Variants in NCOR2 observed in about 807,000 individuals in gnomAD.
NCOR2 encodes nuclear receptor corepressor 2, also known as CTG repeat protein 26.
In NCOR2, 81 loss-of-function variants were observed where a neutral mutation model predicts 262.9. The ratio of observed to expected loss-of-function variants is 0.31; its 90% CI spans 0.26 to 0.37. The LOEUF is 0.37. Among genes scored for constraint, NCOR2 ranks in the 10% least tolerant of loss-of-function variants. The pLI is 1.00. For missense variants in NCOR2, 3,385 were observed against 3,621.4 expected, an observed-to-expected ratio of 0.93 and a Z score of 1.68; for synonymous variants, 1,659 against 1,559.3, an observed-to-expected ratio of 1.06 and a Z score of -1.51.
chr12:124,359,250 G>A lies in NCOR2; in HGVS notation c.3101-2468C>T, dbSNP rs1019430225. On this transcript the variant is annotated intron_variant, in intron 22 of 46. Transcript: ENST00000405201. Reference sequence around the variant, plus strand: ...AGCAGAGACACAACTTGGGAATGACGGAGCCCTCTGGGTTCTGGGACAGGA... The same window carrying A: ...AGCAGAGACACAACTTGGGAATGACAGAGCCCTCTGGGTTCTGGGACAGGA... Among the ~76,000 whole-genome samples the A allele has an allele frequency of 2.6e-5, 4 of 152,186 alleles. 1 individual carries two copies. In the East Asian group the frequency reaches 7.7e-4, roughly 29 times the overall value.
intron 4 of NCOR2, among the ~76,000 whole-genome samples, chr12:124,466,919 A>C (rs2046444033): frequency 6.6e-6 from 1 of 151,898 alleles, no homozygotes; most frequent in Non-Finnish European, 1.5e-5. Flanking sequence ...CAAAGCACGC[A>C]GCACCTGACA....
rs763602293 is a variant in NCOR2, at chr12:124,503,763, G to C, written c.-117-8395C>G. Among the ~76,000 whole-genome samples, 24 of 122,706 alleles carry C rather than the reference G, an allele frequency of 2.0e-4. No individual in the cohort carries two copies. The highest frequency in any genetic ancestry group is 3.3e-4 in the African/African-American group (13 of 39,086). 80.5% of individuals were successfully genotyped at this position (122,706 alleles called of 152,430 possible). ...GGATGGATGCATGGATGCATGGATG[G>C]ATGGATGGATGGATGGGCGGATGGA... is the stretch of plus-strand genomic sequence containing the variant. On this transcript the variant is annotated intron_variant, in intron 1 of 46. Coordinates refer to the NCOR2 transcript ENST00000404621. This position sits in a 1 kb window ranked among gnomAD's most constrained non-coding sequence, Gnocchi z 4.3.
chr12:124,336,253 C>G, intron 38 of NCOR2: 1 of 166,944 alleles, frequency 6.0e-6, no homozygotes, highest in South Asian at 1.5e-4. Context: ...TTCCCCCAGT[C>G]CGACAGCATC....
chr12:124,395,610 GC>G (rs1364104490), intron 16 of NCOR2, among the ~76,000 whole-genome samples: 1 of 152,160 alleles, frequency 6.6e-6, no homozygotes, highest in Non-Finnish European at 1.5e-5. Context: ...GTCATCCCCA[GC>G]CGTCCTCCCA....
intron 16 of NCOR2, among the ~76,000 whole-genome samples, chr12:124,393,290 G>T (rs1235583136): frequency 1.3e-5 from 2 of 152,324 alleles, no homozygotes; most frequent in East Asian, 1.9e-4. Flanking sequence ...CCCCGGAGCT[G>T]CCCGGTTCCT....
intron 1 of NCOR2, among the ~76,000 whole-genome samples, chr12:124,508,557 G>C (rs915654396): frequency 7.2e-5 from 11 of 152,182 alleles, no homozygotes; most frequent in Non-Finnish European, 1.2e-4. Flanking sequence ...CCGCAGGAAG[G>C]GGGTGACCGC....
chr12:124,518,865 G>A (rs894001593), intron 1 of NCOR2, among the ~76,000 whole-genome samples: 2 of 152,220 alleles, frequency 1.3e-5, no homozygotes, highest in African/African-American at 4.8e-5. Context: ...CCTGAGCGTA[G>A]CTCTGGCGCC....
At chr12:124,528,907 C>T (rs772765295) in intron 1 of NCOR2, among the ~76,000 whole-genome samples, 5 of 152,172 alleles carry the variant, frequency 3.3e-5, no homozygotes, top group Non-Finnish European at 5.9e-5. Context: ...CCTCTGGGCG[C>T]GGTGGCTCAC....
At chr12:124,516,044 G>A (rs1413644682) in intron 1 of NCOR2, among the ~76,000 whole-genome samples, 2 of 152,216 alleles carry the variant, frequency 1.3e-5, no homozygotes, top group Non-Finnish European at 2.9e-5. Flanking sequence ...GGGGTGACAA[G>A]GGGACATGGA....
rs986356537 is a variant in NCOR2, at chr12:124,389,353, C to A, written c.1877-3466G>T. Among the ~76,000 whole-genome samples the A allele has an allele frequency of 2.0e-5, 3 of 151,880 alleles. No homozygotes were observed. The highest frequency in any genetic ancestry group is 4.8e-5 in the African/African-American group (2 of 41,358). The stretch of plus-strand genomic sequence containing the variant: ...GTGACCTCCAGACGGAGGCTCGCGG[C>A]GGGCGGGCAGGCGGGCGGGGGAGCG... On this transcript the variant is annotated intron_variant, in intron 16 of 46. Coordinates refer to ENST00000405201, the Ensembl canonical transcript of NCOR2. This position sits in a 1 kb window ranked among gnomAD's most constrained non-coding sequence, Gnocchi z 4.4.
chr12:124,546,782 C>T (rs1455581791), intron 1 of NCOR2, among the ~76,000 whole-genome samples: 1 of 152,020 alleles, frequency 6.6e-6, no homozygotes, highest in Admixed American at 6.6e-5. Context: ...GCGTCCTGTC[C>T]AGCCCAGGAC....
intron 27 of NCOR2, among the ~76,000 whole-genome samples, chr12:124,351,569 T>A (rs58463871): frequency 0.29 from 43,423 of 151,920 alleles, 6,560 homozygotes; most frequent in East Asian, 0.46. Flanking sequence ...GAGCTTCCCG[T>A]TGGAGGATGT....
In NCOR2 at chr12:124,432,177, G is replaced by A. The variant is rs1011015891; in HGVS notation, c.883-1390C>T. Reference sequence around the variant, plus strand: ...ATGCACACACAGGGTCTCGCAGGCAGACATGATGGACACACATACACAGAG... The same window carrying A: ...ATGCACACACAGGGTCTCGCAGGCAAACATGATGGACACACATACACAGAG... On this transcript the variant is annotated intron_variant, in intron 8 of 46. Coordinates refer to ENST00000405201, the Ensembl canonical transcript of NCOR2. The surrounding 1 kb of genome is among the most constrained non-coding windows in gnomAD (Gnocchi z 5.1). Among the ~76,000 whole-genome samples, 1 of 151,870 alleles carries A rather than the reference G, an allele frequency of 6.6e-6. No homozygotes were observed. The highest frequency in any genetic ancestry group is 1.5e-5 in the Non-Finnish European group (1 of 67,964).
chr12:124,535,689 A>G, upstream of NCOR2: 1 of 152,224 alleles, frequency 6.6e-6, no homozygotes, highest in East Asian at 1.9e-4. Context: ...ATGCAGGAAA[A>G]AAGACCATGT....
At chr12:124,429,887 G>A (rs150678994) in intron 9 of NCOR2, among the ~76,000 whole-genome samples, 181 bp from the exon 12 acceptor site, 1 of 152,200 alleles carries the variant, frequency 6.6e-6, no homozygotes, top group African/African-American at 2.4e-5. Context: ...CCCCAACCCA[G>A]CAAGGCCAAA....
intron 7 of NCOR2, among the ~76,000 whole-genome samples, chr12:124,441,903 GA>G (rs1442643844): frequency 6.6e-6 from 1 of 152,180 alleles, no homozygotes; most frequent in African/African-American, 2.4e-5. Context: ...ACCTGTCAAA[GA>G]AAGCCATGAC....
At chr12:124,469,465 A>T (rs1414992598) in intron 4 of NCOR2, among the ~76,000 whole-genome samples, 1 of 152,224 alleles carries the variant, frequency 6.6e-6, no homozygotes, top group Non-Finnish European at 1.5e-5. Flanking sequence ...AGAAGCCCAC[A>T]GCCCCGAAAG....
chr12:124,360,431 G>A (rs2038464916), intron 22 of NCOR2, among the ~76,000 whole-genome samples: 1 of 152,234 alleles, frequency 6.6e-6, no homozygotes, highest in African/African-American at 2.4e-5. Context: ...TCTGTCGCCT[G>A]CCAAGAGCTG....
intron 5 of NCOR2, among the ~76,000 whole-genome samples, chr12:124,463,658 AT>A (rs2046288483): frequency 6.6e-6 from 1 of 152,168 alleles, no homozygotes; most frequent in Admixed American, 6.5e-5. Context: ...CTTGTCCTCC[AT>A]CTCTCCAGGA....
Sources: gnomAD v4.1 joint callset for allele counts (sites outside exome capture counted in the v4.1 genomes callset) on GRCh38, gnomAD v4.1.1 for gene constraint, Gnocchi (gnomAD v3.1) non-coding constraint, MANE v1.5 for transcripts, NCBI Gene and HGNC (gene_info 2026-07-23, HGNC 2026-07-21) for gene names.